The following ERI3 variants were observed in gnomAD, a reference collection of about 807,000 sequenced individuals.
The protein encoded by ERI3 is ERI1 exoribonuclease family member 3, also known as ERI1 exoribonuclease 3.
Under a neutral mutation model 44.4 loss-of-function variants are expected in ERI3, and 18 were observed. That is an observed-to-expected ratio of 0.41 (90% CI 0.28 to 0.60). ERI3 has a LOEUF of 0.60. Ranked by LOEUF, ERI3 falls within the 20% of genes least tolerant of loss-of-function variation. ERI3 has a pLI of 0.36. For synonymous variants in ERI3, 183 were observed against 164.8 expected (o/e 1.11, Z -0.84); for missense variants, 294 against 435.5 (o/e 0.68, Z 2.89).
At chr1:44,238,756 C>G (rs1326445224) in intron 8 of ERI3, among the ~76,000 whole-genome samples, 1 of 152,002 alleles carries the variant, frequency 6.6e-6, no homozygotes, top group Non-Finnish European at 1.5e-5. Flanking sequence ...CCTCCCCCCA[C>G]AGAGGCCAGA....
At chr1:44,317,183 C>G (rs1438555434) in intron 4 of ERI3, among the ~76,000 whole-genome samples, 1 of 151,104 alleles carries the variant, frequency 6.6e-6, no homozygotes, top group African/African-American at 2.4e-5. Context: ...TTAAGAACTT[C>G]TTGTGCACAA....
chr1:44,255,625 C>G (rs1644765250), intron 7 of ERI3, among the ~76,000 whole-genome samples: 1 of 152,102 alleles, frequency 6.6e-6, no homozygotes, highest in Non-Finnish European at 1.5e-5. Context: ...TATTGCCTAC[C>G]TCGAATCACC....
intron 6 of ERI3, 32 bp from the exon 7 acceptor site, chr1:44,284,939 G>C: frequency 6.3e-7 from 1 of 1,586,784 alleles, no homozygotes; most frequent in South Asian, 1.1e-5. Context: ...GAACAAGTTG[G>C]GCGCATCCAT....
chr1:44,290,164 G>A (rs539148370), intron 6 of ERI3, among the ~76,000 whole-genome samples: 7 of 152,344 alleles, frequency 4.6e-5, no homozygotes, highest in African/African-American at 1.7e-4. Flanking sequence ...AGTGATGTGG[G>A]CTGGCAGTCC....
At chr1:44,306,282 C>T (rs947238578) in intron 6 of ERI3, among the ~76,000 whole-genome samples, 3 of 152,192 alleles carry the variant, frequency 2.0e-5, no homozygotes, top group African/African-American at 4.8e-5. Flanking sequence ...GGAAACTACA[C>T]GGTCTTAGAA....
intron 3 of ERI3, among the ~76,000 whole-genome samples, chr1:44,320,896 G>A (rs1226376161): frequency 6.6e-6 from 1 of 152,108 alleles, no homozygotes; most frequent in Non-Finnish European, 1.5e-5. Flanking sequence ...AGAAAGGAAG[G>A]GGGCTCTGCC....
intron 2 of ERI3, among the ~76,000 whole-genome samples, chr1:44,346,841 T>C (rs1291011824): frequency 3.9e-5 from 6 of 152,156 alleles, no homozygotes; most frequent in Non-Finnish European, 8.8e-5. Flanking sequence ...TGGGATTCAA[T>C]TCAACCGTGC....
intron 4 of ERI3, among the ~76,000 whole-genome samples, chr1:44,316,502 A>G (rs1169535176): frequency 6.6e-6 from 1 of 152,218 alleles, no homozygotes; most frequent in African/African-American, 2.4e-5. Context: ...AACACTAGCA[A>G]CTACAGGAAG....
chr1:44,306,935 C>T (rs1240377640), intron 6 of ERI3, among the ~76,000 whole-genome samples: 1 of 152,174 alleles, frequency 6.6e-6, no homozygotes, highest in Non-Finnish European at 1.5e-5. Flanking sequence ...ACATTAAGTC[C>T]CTTCCTCACT....
intron 2 of ERI3, among the ~76,000 whole-genome samples, chr1:44,346,307 A>G (rs941463200): frequency 1.3e-5 from 2 of 152,214 alleles, no homozygotes; most frequent in Non-Finnish European, 2.9e-5. Context: ...TGAGGGCAAC[A>G]TCATAGGTCA....
chr1:44,319,490 C>T (rs2154329095), intron 4 of ERI3, 138 bp downstream of exon 4: 1 of 613,370 alleles, frequency 1.6e-6, no homozygotes. Context: ...CTTCATAAAA[C>T]CTAACTGCTA....
In ERI3 at chr1:44,305,480, T is replaced by C. The variant is rs373215857; in HGVS notation, c.758+2830A>G. 2.0e-5 allele frequency among the ~76,000 whole-genome samples: 3 copies of C among 152,276 alleles called. No homozygotes were observed. The East Asian group carries it at 5.8e-4, about 29-fold the overall frequency. On this transcript the variant is annotated intron_variant, in intron 6 of 8. Transcript: ENST00000372257. ...CCAAGAGCCAGACCCACAACAAGTG[T>C]TGTTTCTTGAAAAAATTGAGAGGGG... is the stretch of plus-strand genomic sequence containing the variant.
rs138190323 is a variant in ERI3, at chr1:44,354,385, A to G, written c.135+507T>C. The G allele has an allele frequency of 5.5e-4, 544 of 985,440 alleles. 3 individuals are homozygous for G. The African/African-American group carries it at 8.4e-3, about 15-fold the overall frequency. The allele number at this position is 985,440 out of a possible 1,614,324, so 61.0% of individuals were successfully genotyped here. Reference sequence around the variant, plus strand: ...TCTTCCAAGTCAACAAGGAGCAGTTATATTTTGCAAGAACTCGCAGTCAAG... The same window carrying G: ...TCTTCCAAGTCAACAAGGAGCAGTTGTATTTTGCAAGAACTCGCAGTCAAG... On this transcript the variant is annotated intron_variant, in intron 1 of 8. Transcript: ENST00000372257.
chr1:44,296,812 T>G (rs1645620931), intron 6 of ERI3, among the ~76,000 whole-genome samples: 1 of 152,142 alleles, frequency 6.6e-6, no homozygotes, highest in African/African-American at 2.4e-5. Flanking sequence ...GCTTGCCCCT[T>G]AGCTGACCTA....
At position 44,281,926 on chromosome 1, in the gene ERI3, GTA is replaced by G. The variant is rs1204603060; in HGVS notation, c.831+2907_831+2908del. 6.3e-3 allele frequency among the ~76,000 whole-genome samples: 837 copies of G among 133,448 alleles called. 6 individuals carry two copies. Among genetic ancestry groups the G allele is most frequent in the Middle Eastern group, 0.011 (3 of 262 alleles). The allele number at this position is 133,448 out of a possible 152,430, so 87.5% of individuals were successfully genotyped here. A position where few individuals can be genotyped will look rare whatever the true frequency, so the allele number is the denominator to read the frequency against. ...TGTGTGTGTGTGTGTGTGTGTGTGT[GTA>G]TGTATTCTTCAGGCCCCTCAGTGAC... On this transcript the variant is annotated intron_variant, in intron 7 of 8. Transcript: ENST00000372257.
intron 2 of ERI3, among the ~76,000 whole-genome samples, chr1:44,350,483 A>G (rs1646866365): frequency 6.6e-6 from 1 of 152,096 alleles, no homozygotes; most frequent in Non-Finnish European, 1.5e-5. Context: ...GCTGGTCTCA[A>G]ACTCCTGGCC....
intron 4 of ERI3, among the ~76,000 whole-genome samples, chr1:44,314,399 C>T (rs1646039702): frequency 6.6e-6 from 1 of 152,148 alleles, no homozygotes; most frequent in Non-Finnish European, 1.5e-5. Context: ...AGGACACAGC[C>T]ACTCTATTTT....
intron 2 of ERI3, among the ~76,000 whole-genome samples, chr1:44,347,985 C>T (rs1404135470): frequency 6.6e-6 from 1 of 152,042 alleles, no homozygotes; most frequent in African/African-American, 2.4e-5. Flanking sequence ...GTAAGGACCA[C>T]ATTTTATTCC....
intron 7 of ERI3, among the ~76,000 whole-genome samples, chr1:44,262,509 A>C (rs903908901): frequency 1.3e-5 from 2 of 152,202 alleles, no homozygotes; most frequent in Non-Finnish European, 2.9e-5. Flanking sequence ...ATGGCACAGC[A>C]CTTCCATCTG....
Sources: gnomAD v4.1 joint callset for allele counts (sites outside exome capture counted in the v4.1 genomes callset) on GRCh38, gnomAD v4.1.1 for gene constraint, MANE v1.5 for transcripts, NCBI Gene and HGNC (gene_info 2026-07-23, HGNC 2026-07-21) for gene names.